The following PCBD2 variants were observed in gnomAD, a reference collection of about 807,000 sequenced individuals.
The protein encoded by PCBD2 is pterin-4 alpha-carbinolamine dehydratase 2, also known as pterin-4-alpha-carbinolamine dehydratase 2.
In PCBD2, 12 loss-of-function variants were observed where a neutral mutation model predicts 16.4. The ratio of observed to expected loss-of-function variants is 0.73; its 90% confidence interval spans 0.47 to 1.19. PCBD2 has a LOEUF of 1.19. Among genes scored for constraint, PCBD2 ranks in the 50% most tolerant of loss-of-function variants. The pLI, the probability that PCBD2 is intolerant of heterozygous loss-of-function variation, is 0.00. For missense variants in PCBD2, 138 were observed against 156.8 expected (o/e 0.88, Z 0.64); for synonymous variants, 58 against 61.8 (o/e 0.94, Z 0.29).
chr5:134,957,435 G>A (rs1046137801), intron 2 of PCBD2, among the ~76,000 whole-genome samples: 1 of 152,146 alleles, frequency 6.6e-6, no homozygotes, highest in Non-Finnish European at 1.5e-5. Flanking sequence ...CAAGAATAAG[G>A]CATTATAGGC....
At chr5:134,913,648 G>A (rs1750795328) in intron 2 of PCBD2, among the ~76,000 whole-genome samples, 1 of 152,190 alleles carries the variant, frequency 6.6e-6, no homozygotes, top group African/African-American at 2.4e-5. Flanking sequence ...CACCCTGGCT[G>A]TTCTGCTCAG....
At chr5:134,937,572 G>A (rs1418390432) in intron 2 of PCBD2, among the ~76,000 whole-genome samples, 1 of 152,172 alleles carries the variant, frequency 6.6e-6, no homozygotes, top group Non-Finnish European at 1.5e-5. Flanking sequence ...GCGGACATCC[G>A]CTAATCCAGT....
intron 2 of PCBD2, chr5:134,924,436 G>C: frequency 2.5e-6 from 1 of 396,886 alleles, no homozygotes; most frequent in Non-Finnish European, 4.4e-6. Flanking sequence ...TTAGTGTTAT[G>C]GGTGAAAGAG....
At chr5:134,908,343 C>A (rs916884083) in intron 1 of PCBD2, among the ~76,000 whole-genome samples, 49 of 148,292 alleles carry the variant, frequency 3.3e-4, no homozygotes, top group African/African-American at 1.1e-3. Context: ...TTTTTAACAA[C>A]AAGCTTTTGC....
chr5:134,941,120 A>G (rs74768604), intron 2 of PCBD2, among the ~76,000 whole-genome samples: 2 of 115,082 alleles, frequency 1.7e-5, no homozygotes, highest in Non-Finnish European at 4.0e-5. Flanking sequence ...ATCTCAAGGA[A>G]AAAAAAAAAA....
chr5:134,940,305 G>A (rs146139245), intron 2 of PCBD2, among the ~76,000 whole-genome samples: 139 of 152,286 alleles, frequency 9.1e-4, no homozygotes, highest in African/African-American at 2.7e-3. Context: ...AACTGCTGCC[G>A]TCCCTGCCGG....
At chr5:134,916,470 A>G (rs1750834795) in intron 2 of PCBD2, among the ~76,000 whole-genome samples, 1 of 152,224 alleles carries the variant, frequency 6.6e-6, no homozygotes, top group African/African-American at 2.4e-5. Flanking sequence ...GTACAGTGGT[A>G]TCACAAGTTT....
intron 2 of PCBD2, among the ~76,000 whole-genome samples, chr5:134,949,380 A>G (rs1219054543): frequency 1.3e-5 from 2 of 152,198 alleles, no homozygotes; most frequent in Non-Finnish European, 1.5e-5. Context: ...AATAATCACT[A>G]GCATTAACTG....
rs1750753587 is a variant in PCBD2 at position 134,910,382 on chromosome 5, A to G, written c.132A>G (p.Ile44Met). 4 of 1,613,924 alleles carry G rather than the reference A, an allele frequency of 2.5e-6. No homozygotes were observed. The highest frequency in any genetic ancestry group is 2.5e-6 in the Non-Finnish European group (3 of 1,179,874). The change falls in exon 2 of 4, where the codon ATA becomes ATG. Residue 44 changes from isoleucine to methionine, a missense_variant. By Grantham distance (10) the Ile-to-Met change is conservative. Transcript: ENST00000254908. ...RLTAEERNQA[I>M]LDLKAAGWSE... ...CTGCAGAGGAGAGGAACCAAGCTAT[A>G]CTTGACCTTAAAGCAGCAGGATGGT...
At chr5:134,922,004 G>A (rs1238431177) in intron 2 of PCBD2, among the ~76,000 whole-genome samples, 1 of 152,126 alleles carries the variant, frequency 6.6e-6, no homozygotes, top group Non-Finnish European at 1.5e-5. Context: ...AGCCTACCTC[G>A]CATTACTCTG....
At chr5:134,907,991 C>G (rs1307047689) in intron 1 of PCBD2, among the ~76,000 whole-genome samples, 2 of 150,174 alleles carry the variant, frequency 1.3e-5, no homozygotes, top group Non-Finnish European at 3.0e-5. Flanking sequence ...GTGATCATAG[C>G]TCACTGCAGC....
At chr5:134,942,109 C>G (rs561589939) in intron 2 of PCBD2, among the ~76,000 whole-genome samples, 1 of 89,250 alleles carries the variant, frequency 1.1e-5, no homozygotes, top group African/African-American at 4.5e-5. Context: ...CCAGCCTGGG[C>G]AATAGAGCAA....
At chr5:134,960,251 G>A (rs112966441) in intron 3 of PCBD2, among the ~76,000 whole-genome samples, 1,692 of 152,184 alleles carry the variant, frequency 0.011, 31 homozygotes, top group African/African-American at 0.039. Flanking sequence ...AATAGTTGAT[G>A]TAATTAAAGT....
intron 1 of PCBD2, 45 bp downstream of exon 1, chr5:134,905,268 G>T (rs1251442262): frequency 4.9e-6 from 6 of 1,216,480 alleles, no homozygotes; most frequent in African/African-American, 1.6e-5. Flanking sequence ...GGGTCGGGGG[G>T]CGGTGCGAGG....
intron 2 of PCBD2, chr5:134,928,266 C>G (rs1475165454): frequency 5.1e-6 from 2 of 388,492 alleles, no homozygotes; most frequent in Non-Finnish European, 9.1e-6. Context: ...GAGCGATATA[C>G]TAGTATTCCT....
intron 2 of PCBD2, among the ~76,000 whole-genome samples, chr5:134,948,890 A>G (rs1204462194): frequency 6.6e-6 from 1 of 152,188 alleles, no homozygotes; most frequent in Non-Finnish European, 1.5e-5. Flanking sequence ...TGGGGCCTGG[A>G]AGAGCAGGCA....
At chr5:134,939,659 A>G (rs528283136) in intron 2 of PCBD2, among the ~76,000 whole-genome samples, 1 of 152,290 alleles carries the variant, frequency 6.6e-6, no homozygotes, top group African/African-American at 2.4e-5. Flanking sequence ...GACACCCAAG[A>G]AGGTTCAAAA....
At chr5:134,955,456 C>T (rs946672347) in intron 2 of PCBD2, among the ~76,000 whole-genome samples, 6 of 151,938 alleles carry the variant, frequency 3.9e-5, no homozygotes, top group South Asian at 2.1e-4. Flanking sequence ...TACAGGCACA[C>T]GCCACCATGC....
At chr5:134,954,943 T>C (rs1029636086) in intron 2 of PCBD2, among the ~76,000 whole-genome samples, 4 of 151,998 alleles carry the variant, frequency 2.6e-5, no homozygotes, top group African/African-American at 9.7e-5. Context: ...GGTTTCTCCA[T>C]GTTGGCCAGG....
Sources: gnomAD v4.1 joint callset for allele counts (sites outside exome capture counted in the v4.1 genomes callset) on GRCh38, gnomAD v4.1.1 for gene constraint, MANE v1.5 for transcripts, NCBI Gene and HGNC (gene_info 2026-07-23, HGNC 2026-07-21) for gene names.